PPHLN1: variants seen among roughly 807,000 people sequenced by gnomAD.
PPHLN1 encodes the protein periphilin 1.
Under a neutral mutation model 51.3 loss-of-function variants are expected in PPHLN1, and 29 were observed. The observed-to-expected ratio is 0.57, with a 90% CI of 0.42 to 0.77. The LOEUF (loss-of-function observed/expected upper bound fraction) is 0.77. Ranked by LOEUF, PPHLN1 falls within the 30% of genes least tolerant of loss-of-function variation. The pLI, the probability that PPHLN1 is intolerant of heterozygous loss-of-function variation, is 0.00. For synonymous variants in PPHLN1, 147 were observed against 147.8 expected (o/e 0.99, Z 0.04); for missense variants, 436 against 438.4 (o/e 0.99, Z 0.05).
chr12:42,410,648 A>G (rs1338952457), intron 9 of PPHLN1, among the ~76,000 whole-genome samples: 2 of 152,240 alleles, frequency 1.3e-5, no homozygotes, highest in African/African-American at 2.4e-5. Flanking sequence ...GAAGATAAAT[A>G]TTACAGTGAG....
At chr12:42,373,455 G>A (rs2075981921) in intron 4 of PPHLN1, among the ~76,000 whole-genome samples, 1 of 152,168 alleles carries the variant, frequency 6.6e-6, no homozygotes, top group South Asian at 2.1e-4. Context: ...GTGTTCAAAT[G>A]AACTTTAGGA....
At chr12:42,441,048 C>T (rs374857869) in intron 9 of PPHLN1, among the ~76,000 whole-genome samples, 18 of 152,326 alleles carry the variant, frequency 1.2e-4, no homozygotes, top group African/African-American at 3.8e-4. Flanking sequence ...GACTGCCTTA[C>T]ACTGACAAAT....
intron 4 of PPHLN1, among the ~76,000 whole-genome samples, chr12:42,358,961 A>AT (rs956378161): frequency 6.6e-6 from 1 of 152,028 alleles, no homozygotes; most frequent in Non-Finnish European, 1.5e-5. Flanking sequence ...TGTGTGTTTA[A>AT]TTTTTTTTAA....
At chr12:42,434,923 C>T (rs1250477653) in intron 9 of PPHLN1, among the ~76,000 whole-genome samples, 2 of 152,158 alleles carry the variant, frequency 1.3e-5, no homozygotes, top group Non-Finnish European at 2.9e-5. Flanking sequence ...TGAACCCTGA[C>T]CTCAGGCAAT....
At chr12:42,410,530 C>T (rs997602770) in intron 9 of PPHLN1, among the ~76,000 whole-genome samples, 3 of 152,156 alleles carry the variant, frequency 2.0e-5, no homozygotes, top group South Asian at 2.1e-4. Flanking sequence ...GAATTCCTTG[C>T]ATATCGTAGA....
chr12:42,442,749 A>T (rs1398488816), downstream of PPHLN1: 1 of 1,612,766 alleles, frequency 6.2e-7, no homozygotes, highest in East Asian at 2.2e-5. Flanking sequence ...TCAGTAAGTC[A>T]TTGGTGCCCG....
intron 5 of PPHLN1, among the ~76,000 whole-genome samples, chr12:42,381,354 G>T (rs1384512366): frequency 6.6e-6 from 1 of 152,156 alleles, no homozygotes; most frequent in Non-Finnish European, 1.5e-5. Context: ...CCTGTTTTAG[G>T]ACTTAGTATA....
intron 2 of PPHLN1, chr12:42,351,405 G>A (rs1314485094): frequency 1.3e-5 from 2 of 152,100 alleles, no homozygotes; most frequent in African/African-American, 2.4e-5. Context: ...CATTACTGCT[G>A]GAAAAATAGC....
downstream of PPHLN1, chr12:42,445,468 T>C: frequency 3.8e-6 from 1 of 264,248 alleles, no homozygotes; most frequent in Non-Finnish European, 7.3e-6. Context: ...CTAAGATATA[T>C]ACATGTATCC....
chr12:42,409,861 T>G (rs573902781), intron 9 of PPHLN1, among the ~76,000 whole-genome samples: 1 of 152,244 alleles, frequency 6.6e-6, no homozygotes, highest in Non-Finnish European at 1.5e-5. Context: ...GGGGTCTCAA[T>G]TATAATTCTT....
chr12:42,349,560 C>T (rs1025012617), intron 2 of PPHLN1, among the ~76,000 whole-genome samples: 8 of 151,910 alleles, frequency 5.3e-5, no homozygotes, highest in East Asian at 1.9e-4. Context: ...TGCGGCCTTC[C>T]GCAGTGTTTG....
chr12:42,408,016 TC>T (rs2079468796), intron 9 of PPHLN1, among the ~76,000 whole-genome samples: 1 of 152,188 alleles, frequency 6.6e-6, no homozygotes, highest in Non-Finnish European at 1.5e-5. Flanking sequence ...CATCATATCC[TC>T]CCATGATTAG....
chr12:42,425,246 ATTT>A (rs34484756), intron 9 of PPHLN1, among the ~76,000 whole-genome samples: 1 of 124,826 alleles, frequency 8.0e-6, no homozygotes. Context: ...TGCCTGGCTA[ATTT>A]TTTTTTTTTT....
chr12:42,411,923 A>AAAAAAAAAAAG (rs1424836657), intron 9 of PPHLN1, among the ~76,000 whole-genome samples: 5 of 116,604 alleles, frequency 4.3e-5, no homozygotes, highest in South Asian at 2.9e-4. Flanking sequence ...AAAAAAAAAA[A>AAAAAAAAAAAG]GGGCTGGGCG....
chr12:42,397,915 G>GT (rs1417382509), intron 8 of PPHLN1, among the ~76,000 whole-genome samples: 3 of 150,988 alleles, frequency 2.0e-5, no homozygotes, highest in Non-Finnish European at 2.9e-5. Context: ...GTAGAGACGG[G>GT]TTTTCACCAT....
At chr12:42,340,281 G>T (rs2071272325) in intron 2 of PPHLN1, among the ~76,000 whole-genome samples, 3 of 146,278 alleles carry the variant, frequency 2.1e-5, no homozygotes. Context: ...CTGCGTTGAA[G>T]CCTGGGCAAC....
chr12:42,379,028 A>AC (rs1394123279), intron 5 of PPHLN1, among the ~76,000 whole-genome samples: 1 of 151,834 alleles, frequency 6.6e-6, no homozygotes, highest in South Asian at 2.1e-4. Context: ...TTTTATATTT[A>AC]CCTTGTATAT....
At chr12:42,433,498 A>AT (rs1297434113) in intron 9 of PPHLN1, 2 of 234,418 alleles carry the variant, frequency 8.5e-6, no homozygotes, top group Non-Finnish European at 1.7e-5. Context: ...AATTTTTTCT[A>AT]TTTTTTAGTA....
At chr12:42,335,403 ATTAT>A (rs2137783914) in intron 1 of PPHLN1, among the ~76,000 whole-genome samples, 1 of 152,314 alleles carries the variant, frequency 6.6e-6, no homozygotes, top group African/African-American at 2.4e-5. Flanking sequence ...TTAAAAACAC[ATTAT>A]TTAACATAGA....
Sources: gnomAD v4.1 joint callset for allele counts (sites outside exome capture counted in the v4.1 genomes callset) on GRCh38, gnomAD v4.1.1 for gene constraint, MANE v1.5 for transcripts, NCBI Gene and HGNC (gene_info 2026-07-23, HGNC 2026-07-21) for gene names.